The following INSR variants were observed in gnomAD, a reference collection of about 807,000 sequenced individuals.
INSR encodes the protein IR.
INSR carries 67 observed loss-of-function variants against 142.6 expected under a neutral mutation model. That is an observed-to-expected ratio of 0.47 (90% CI 0.39 to 0.58). The LOEUF (loss-of-function observed/expected upper bound fraction) is 0.58, where lower values mean the gene tolerates loss of function less well. INSR is among the 20% of genes least tolerant of loss of function. The probability of loss-of-function intolerance (pLI) is 0.00; values close to 1 mark genes in which losing one functional copy is unlikely to be tolerated. For missense variants in INSR, 1,248 were observed against 1,833.2 expected (o/e 0.68, Z 5.83); for synonymous variants, 756 against 743.1 (o/e 1.02, Z -0.28).
In INSR at chr19:7,190,369, G is replaced by GTTTTT. The variant is rs34757652; in HGVS notation, c.653-5737_653-5733dup. ...ACATGCTGACCTGTGTTCTTTGGTG[G>GTTTTT]TTTTTTTTTTTTTTTTTTTTTGAGA... On this transcript the variant is annotated intron_variant, in intron 2 of 21. Transcript: ENST00000302850. 3.9e-5 allele frequency among the ~76,000 whole-genome samples: 4 copies of GTTTTT among 102,704 alleles called. No individual in the cohort carries two copies. The East Asian group carries it at 8.3e-4, about 21-fold the overall frequency. The allele number at this position is 102,704 out of a possible 152,430, so 67.4% of individuals were successfully genotyped here.
At chr19:7,286,759 A>C (rs1397539423) in intron 1 of INSR, among the ~76,000 whole-genome samples, 3 of 151,374 alleles carry the variant, frequency 2.0e-5, no homozygotes, top group Non-Finnish European at 2.9e-5. Context: ...TTCTTTTTGC[A>C]ATGAGAATGC....
chr19:7,154,290 A>C (rs982670636), intron 9 of INSR, among the ~76,000 whole-genome samples: 1 of 150,112 alleles, frequency 6.7e-6, no homozygotes, highest in African/African-American at 2.5e-5. Flanking sequence ...ATGGCAAAAA[A>C]CCACAATTAC....
intron 9 of INSR, 32 bp from the exon 10 acceptor site, chr19:7,152,959 G>C: frequency 1.3e-6 from 2 of 1,544,590 alleles, no homozygotes; most frequent in Non-Finnish European, 1.8e-6. Context: ...GGGGGCTCAA[G>C]TCTCTGCGGC....
intron 14 of INSR, among the ~76,000 whole-genome samples, chr19:7,129,709 A>G (rs888824816): frequency 6.6e-6 from 1 of 152,160 alleles, no homozygotes; most frequent in African/African-American, 2.4e-5. Flanking sequence ...TCCCGATCCC[A>G]GCATGACTTT....
Position 7,115,765 on chromosome 19 carries a change from C to T in INSR, c.*1291G>A, listed in dbSNP as rs769623957. 6.6e-6 allele frequency: 1 copy of T among 152,238 alleles called. No homozygotes were observed. The highest frequency in any genetic ancestry group is 1.5e-5 in the Non-Finnish European group (1 of 68,078). The allele number at this position is 152,238 out of a possible 1,614,324, so 9.4% of individuals were successfully genotyped here. On this transcript the variant is annotated 3_prime_UTR_variant, in exon 22 of 22. Transcript: ENST00000302850. ...AGCTACCAGCTTATCCGAACAGGAA[C>T]CTTCCAGCAGACCTGGTACCTGAAC...
intron 2 of INSR, among the ~76,000 whole-genome samples, chr19:7,209,011 T>A (rs1293225664): frequency 6.7e-6 from 1 of 149,902 alleles, no homozygotes; most frequent in Non-Finnish European, 1.5e-5. Flanking sequence ...AAAAAAAAAA[T>A]TAGCTGGGCA....
intron 1 of INSR, among the ~76,000 whole-genome samples, chr19:7,270,363 A>C (rs1967884874): frequency 6.6e-6 from 1 of 151,418 alleles, no homozygotes; most frequent in South Asian, 2.1e-4. Context: ...ACACACACAC[A>C]CACACACACA....
chr19:7,226,986 A>T (rs1024581667), intron 2 of INSR, among the ~76,000 whole-genome samples: 1 of 152,224 alleles, frequency 6.6e-6, no homozygotes, highest in Non-Finnish European at 1.5e-5. Flanking sequence ...TTTAGTAAAC[A>T]GTTCAAATCT....
At chr19:7,208,602 G>T (rs1164289404) in intron 2 of INSR, among the ~76,000 whole-genome samples, 1 of 152,186 alleles carries the variant, frequency 6.6e-6, no homozygotes, top group Non-Finnish European at 1.5e-5. Flanking sequence ...GGGCGCAGTG[G>T]CTCACACCTG....
chr19:7,191,028 G>A (rs1296708929), intron 2 of INSR, among the ~76,000 whole-genome samples: 2 of 152,132 alleles, frequency 1.3e-5, no homozygotes, highest in African/African-American at 4.8e-5. Flanking sequence ...TGGGAACGGT[G>A]GCTCACGCCT....
At chr19:7,278,462 G>A (rs1968120559) in intron 1 of INSR, among the ~76,000 whole-genome samples, 1 of 152,176 alleles carries the variant, frequency 6.6e-6, no homozygotes, top group Non-Finnish European at 1.5e-5. Context: ...CATTCATAAG[G>A]CAGCAATTTC....
intron 9 of INSR, among the ~76,000 whole-genome samples, chr19:7,160,713 T>G (rs1292622124): frequency 6.6e-6 from 1 of 151,774 alleles, no homozygotes; most frequent in African/African-American, 2.4e-5. Context: ...TAAAATAATT[T>G]TAGGCTGGGC....
intron 2 of INSR, among the ~76,000 whole-genome samples, chr19:7,207,069 C>A (rs1040958360): frequency 1.3e-5 from 2 of 152,064 alleles, no homozygotes; most frequent in African/African-American, 2.4e-5. Context: ...TATAGAATGC[C>A]GAGAATGATT....
intron 2 of INSR, among the ~76,000 whole-genome samples, chr19:7,185,877 A>AGG: frequency 7.9e-6 from 1 of 126,982 alleles, no homozygotes; most frequent in African/African-American, 3.0e-5. Flanking sequence ...AGAGACAAAG[A>AGG]GAGAGAGAAA....
At chr19:7,280,377 G>A (rs1968175034) in intron 1 of INSR, among the ~76,000 whole-genome samples, 1 of 152,026 alleles carries the variant, frequency 6.6e-6, no homozygotes, top group Non-Finnish European at 1.5e-5. Context: ...TCAGGAGTTC[G>A]AGCCCAGCCT....
chr19:7,197,838 G>GAGAGAGAAAGAGAGAGAA (rs149071962), intron 2 of INSR, among the ~76,000 whole-genome samples: 1 of 100,424 alleles, frequency 1.0e-5, no homozygotes, highest in East Asian at 2.9e-4. Flanking sequence ...GAGAGAACGA[G>GAGAGAGAAAGAGAGAGAA]AGAGAGAGAG....
At chr19:7,177,780 C>T (rs983670596) in intron 3 of INSR, among the ~76,000 whole-genome samples, 5 of 146,890 alleles carry the variant, frequency 3.4e-5, no homozygotes, top group African/African-American at 1.0e-4. Context: ...CTCCCAACCT[C>T]AGGTGATCCA....
At chr19:7,151,220 CTCTT>C (rs1470526042) in intron 10 of INSR, among the ~76,000 whole-genome samples, 16 of 137,976 alleles carry the variant, frequency 1.2e-4, no homozygotes, top group South Asian at 9.4e-4. Flanking sequence ...TTTTCTTTCT[CTCTT>C]CCTTCCTTCC....
chr19:7,238,358 G>A (rs903294591), intron 2 of INSR, among the ~76,000 whole-genome samples: 9 of 152,052 alleles, frequency 5.9e-5, no homozygotes, highest in African/African-American at 1.2e-4. Flanking sequence ...AGTGGCTCAC[G>A]CCTGTAATCC....
Sources: allele counts gnomAD v4.1 joint callset (sites outside exome capture counted in the v4.1 genomes callset), GRCh38; gene constraint gnomAD v4.1.1; transcripts MANE v1.5; gene names NCBI Gene and HGNC (gene_info 2026-07-23, HGNC 2026-07-21).